LINGO2: variants seen among roughly 807,000 people sequenced by gnomAD.
LINGO2 encodes the protein leucine rich repeat and Ig domain containing 2, also known as leucine-rich repeat and immunoglobulin-like domain-containing nogo receptor-interacting protein 2.
LINGO2 carries 14 observed loss-of-function variants against 30.6 expected under a neutral mutation model. The observed-to-expected ratio is 0.46, with a 90% CI of 0.30 to 0.72. The LOEUF (loss-of-function observed/expected upper bound fraction) is 0.72, where lower values mean the gene tolerates loss of function less well. Ranked by LOEUF, LINGO2 falls within the 30% of genes least tolerant of loss-of-function variation. LINGO2 has a pLI of 0.07. For synonymous variants in LINGO2, 317 were observed against 288.5 expected (o/e 1.10, Z -1.00); for missense variants, 729 against 751.7 (o/e 0.97, Z 0.35).
At chr9:28,320,701 G>A (rs1825009841) in intron 3 of LINGO2, among the ~76,000 whole-genome samples, 1 of 152,112 alleles carries the variant, frequency 6.6e-6, no homozygotes, top group South Asian at 2.1e-4. Context: ...TCTATGAATG[G>A]CAGCTTCATT....
chr9:28,752,810 T>A, the LINGO2 span, among the ~76,000 whole-genome samples: 1 of 151,900 alleles, frequency 6.6e-6, no homozygotes, highest in East Asian at 1.9e-4. Context: ...GACACAGGAG[T>A]GTGACAGCCT....
At chr9:28,100,060 T>C (rs1826365096) in intron 4 of LINGO2, among the ~76,000 whole-genome samples, 1 of 152,202 alleles carries the variant, frequency 6.6e-6, no homozygotes, top group Non-Finnish European at 1.5e-5. Flanking sequence ...CAAAATATTA[T>C]TGTGGAAGTA....
chr9:28,579,544 GTC>G (rs1369964533), intron 1 of LINGO2, among the ~76,000 whole-genome samples: 1 of 152,016 alleles, frequency 6.6e-6, no homozygotes, highest in African/African-American at 2.4e-5. Context: ...TTTAGCAAGA[GTC>G]TGAAGATTTT....
At chr9:28,291,727 A>G (rs1823738025) in intron 4 of LINGO2, among the ~76,000 whole-genome samples, 1 of 152,210 alleles carries the variant, frequency 6.6e-6, no homozygotes, top group African/African-American at 2.4e-5. Flanking sequence ...AATATCTGAC[A>G]TGTAATTAGA....
At chr9:28,717,496 G>A in the LINGO2 span, among the ~76,000 whole-genome samples, 1 of 152,066 alleles carries the variant, frequency 6.6e-6, no homozygotes, top group South Asian at 2.1e-4. Context: ...ATTTTGGAAA[G>A]CAATCAACAG....
At chr9:28,029,016 T>C (rs1823530023) in intron 4 of LINGO2, among the ~76,000 whole-genome samples, 1 of 152,176 alleles carries the variant, frequency 6.6e-6, no homozygotes, top group African/African-American at 2.4e-5. Context: ...TCACAGGAAC[T>C]TTCAAAAATA....
At chr9:28,322,465 AC>A (rs1825080624) in intron 3 of LINGO2, among the ~76,000 whole-genome samples, 3 of 85,784 alleles carry the variant, frequency 3.5e-5, no homozygotes, top group Admixed American at 2.4e-4. Context: ...ACACACACAC[AC>A]ACACACACAC....
At chr9:28,075,010 A>G (rs892896788) in intron 4 of LINGO2, among the ~76,000 whole-genome samples, 15 of 151,542 alleles carry the variant, frequency 9.9e-5, no homozygotes, top group African/African-American at 3.6e-4. Flanking sequence ...AAATGCTAAT[A>G]GGACAACCAC....
At chr9:28,180,196 C>T (rs1463055374) in intron 4 of LINGO2, among the ~76,000 whole-genome samples, 1 of 152,142 alleles carries the variant, frequency 6.6e-6, no homozygotes, top group Non-Finnish European at 1.5e-5. Context: ...TCTGTCACCA[C>T]TGGGCTGCCT....
chr9:28,489,896 CAAAAAAAAAAAAAAA>C (rs36068240), intron 1 of LINGO2, among the ~76,000 whole-genome samples: 5 of 66,920 alleles, frequency 7.5e-5, no homozygotes, highest in Admixed American at 1.9e-4. Flanking sequence ...GACTTTGTCT[CAAAAAAAAAAAAAAA>C]AAAAAAAAAG....
intron 1 of LINGO2, among the ~76,000 whole-genome samples, chr9:28,588,115 C>A (rs1051539016): frequency 1.3e-5 from 2 of 151,992 alleles, no homozygotes; most frequent in African/African-American, 4.8e-5. Context: ...TTTGAACACA[C>A]TGGGGCTAGA....
At chr9:28,937,280 G>T in the LINGO2 span, among the ~76,000 whole-genome samples, 1 of 152,088 alleles carries the variant, frequency 6.6e-6, no homozygotes. Context: ...ATCGCGTATG[G>T]TAAGACTTGA....
intron 4 of LINGO2, among the ~76,000 whole-genome samples, chr9:28,231,118 T>C (rs962195969): frequency 1.8e-4 from 27 of 151,640 alleles, no homozygotes; most frequent in African/African-American, 6.3e-4. Context: ...AAGAATAAAA[T>C]GTTTGACAGT....
At chr9:28,223,473 G>A (rs937976232) in intron 4 of LINGO2, among the ~76,000 whole-genome samples, 1 of 152,204 alleles carries the variant, frequency 6.6e-6, no homozygotes, top group Non-Finnish European at 1.5e-5. Flanking sequence ...CATCTTAACA[G>A]AGTTACACTG....
the LINGO2 span, among the ~76,000 whole-genome samples, chr9:28,686,849 C>T: frequency 9.9e-5 from 15 of 151,888 alleles, no homozygotes; most frequent in Non-Finnish European, 1.5e-4. Context: ...AGTATTTAAA[C>T]GCCCATGGCC....
At chr9:28,436,121 T>A (rs1218851213) in intron 2 of LINGO2, among the ~76,000 whole-genome samples, 3 of 152,216 alleles carry the variant, frequency 2.0e-5, no homozygotes, top group Admixed American at 2.0e-4. Context: ...CAGAAGCTTT[T>A]GACCAAATTA....
chr9:28,955,498 T>C, the LINGO2 span, among the ~76,000 whole-genome samples: 1 of 152,016 alleles, frequency 6.6e-6, no homozygotes, highest in South Asian at 2.1e-4. Context: ...GTAAGGGATG[T>C]CCTGCAGTGG....
chr9:28,581,594 A>G (rs953036192), intron 1 of LINGO2, among the ~76,000 whole-genome samples: 3 of 151,604 alleles, frequency 2.0e-5, no homozygotes, highest in Non-Finnish European at 4.4e-5. Context: ...CAGTTTAATA[A>G]TATGTCAATT....
At chr9:29,067,130 C>T in the LINGO2 span, among the ~76,000 whole-genome samples, 2 of 151,636 alleles carry the variant, frequency 1.3e-5, no homozygotes, top group African/African-American at 4.8e-5. Flanking sequence ...TTTGAAAAGT[C>T]AAGTATTATA....
Sources: gnomAD v4.1 joint callset for allele counts (sites outside exome capture counted in the v4.1 genomes callset) on GRCh38, gnomAD v4.1.1 for gene constraint, MANE v1.5 for transcripts, NCBI Gene and HGNC (gene_info 2026-07-23, HGNC 2026-07-21) for gene names.